PTPRN2: variants seen among roughly 807,000 people sequenced by gnomAD.
The protein encoded by PTPRN2 is protein tyrosine phosphatase receptor type N2.
A neutral mutation model predicts 118.8 loss-of-function variants in PTPRN2; 74 were observed. The observed-to-expected ratio is 0.62, with a 90% CI of 0.52 to 0.76. The LOEUF (loss-of-function observed/expected upper bound fraction) is 0.76. Ranked by LOEUF, PTPRN2 falls within the 30% of genes least tolerant of loss-of-function variation. The pLI is 0.00. For missense variants in PTPRN2, 1,481 were observed against 1,394.4 expected, an observed-to-expected ratio of 1.06 and a Z score of -0.99; for synonymous variants, 641 against 608.0, an observed-to-expected ratio of 1.05 and a Z score of -0.80.
intron 11 of PTPRN2, among the ~76,000 whole-genome samples, chr7:158,026,479 C>T (rs1426313297): frequency 6.6e-6 from 1 of 152,244 alleles, no homozygotes; most frequent in Non-Finnish European, 1.5e-5. Flanking sequence ...CTGAGTGATG[C>T]ATGCTATATG....
chr7:158,504,762 A>T (rs1822622677), intron 1 of PTPRN2, among the ~76,000 whole-genome samples: 1 of 152,250 alleles, frequency 6.6e-6, no homozygotes, highest in East Asian at 1.9e-4. Flanking sequence ...ACACATGCAC[A>T]TCATCTAGCT....
At chr7:157,853,216 T>C (rs897189799) in intron 12 of PTPRN2, among the ~76,000 whole-genome samples, 3 of 152,108 alleles carry the variant, frequency 2.0e-5, no homozygotes, top group African/African-American at 4.8e-5. Context: ...CATGTAGTCA[T>C]GAGGGGCATG....
intron 11 of PTPRN2, among the ~76,000 whole-genome samples, chr7:157,965,170 A>T (rs1801832154): frequency 6.6e-6 from 1 of 152,238 alleles, no homozygotes; most frequent in Non-Finnish European, 1.5e-5. Flanking sequence ...CTCTTTGAGT[A>T]CCCACTTTGT....
At chr7:157,847,759 TGC>T (rs1808961184) in intron 12 of PTPRN2, among the ~76,000 whole-genome samples, 4 of 139,640 alleles carry the variant, frequency 2.9e-5, no homozygotes, top group Non-Finnish European at 1.5e-5. Flanking sequence ...CACTCCATCA[TGC>T]GTGCCCGATG....
intron 14 of PTPRN2, among the ~76,000 whole-genome samples, chr7:157,643,170 C>T (rs1395849561): frequency 1.3e-5 from 2 of 152,228 alleles, no homozygotes; most frequent in African/African-American, 4.8e-5. Flanking sequence ...CAAACTCTTC[C>T]TATAGACTCA....
chr7:158,090,337 G>A (rs1466848972), intron 10 of PTPRN2, among the ~76,000 whole-genome samples: 1 of 152,202 alleles, frequency 6.6e-6, no homozygotes, highest in Non-Finnish European at 1.5e-5. Context: ...TCTCCCAATT[G>A]GGCTGGAAAT....
chr7:158,213,458 G>C (rs1827752308), intron 3 of PTPRN2, among the ~76,000 whole-genome samples: 1 of 152,108 alleles, frequency 6.6e-6, no homozygotes. Flanking sequence ...AGTGAAGAAT[G>C]ATAGGAAAAT....
chr7:158,140,843 A>G (rs944836537), intron 6 of PTPRN2, among the ~76,000 whole-genome samples: 1 of 152,218 alleles, frequency 6.6e-6, no homozygotes, highest in African/African-American at 2.4e-5. Context: ...TCTGCCCTAA[A>G]GAAGGTTCAT....
At chr7:158,380,664 G>A (rs946691591) in intron 2 of PTPRN2, among the ~76,000 whole-genome samples, 2 of 152,204 alleles carry the variant, frequency 1.3e-5, no homozygotes, top group African/African-American at 2.4e-5. Context: ...GGAGGACCGT[G>A]GCCCTCTTCT....
chr7:158,526,162 G>T lies in PTPRN2; in HGVS notation c.113-36377C>A, dbSNP rs1824768170. Among the ~76,000 whole-genome samples the T allele has an allele frequency of 6.6e-6, 1 of 152,150 alleles. No homozygotes were observed. The highest frequency in any genetic ancestry group is 6.5e-5 in the Admixed American group (1 of 15,276). ...GCCCGCTCTGGGGGGAGCCACATCA[G>T]GCAGACACACGGCTCCTGGTGTTGG... On this transcript the variant is annotated intron_variant, in intron 1 of 22. Transcript: ENST00000389418. The surrounding 1 kb of genome is among the most constrained non-coding windows in gnomAD (Gnocchi z 5.2).
In PTPRN2 at chr7:157,776,031, C is replaced by T. The variant is rs997541108; in HGVS notation, c.1789-93094G>A. On this transcript the variant is annotated intron_variant, in intron 12 of 22. Coordinates refer to ENST00000389418, the MANE Select transcript of PTPRN2 (RefSeq NM_002847.5). ...ACTCGGAGGTGGGCAAGGAGTGAGG[C>T]GGAGGGGGCGTCACCTCCTCCCTCT... Among the ~76,000 whole-genome samples, 73 of 151,778 alleles carry T rather than the reference C, an allele frequency of 4.8e-4. 1 individual carries two copies. The highest frequency in any genetic ancestry group is 3.9e-4 in the East Asian group (2 of 5,160).
chr7:157,856,671 T>G (rs1414486488), intron 12 of PTPRN2, among the ~76,000 whole-genome samples: 3 of 152,258 alleles, frequency 2.0e-5, no homozygotes, highest in African/African-American at 7.2e-5. Flanking sequence ...ACATACAAAA[T>G]TCACTTCTTG....
At chr7:158,177,324 G>A (rs1239242041) in intron 5 of PTPRN2, among the ~76,000 whole-genome samples, 1 of 152,096 alleles carries the variant, frequency 6.6e-6, no homozygotes, top group Non-Finnish European at 1.5e-5. Context: ...GAATAAGGAT[G>A]CTAAGCACCT....
chr7:158,469,447 TCAA>T (rs751250281), intron 2 of PTPRN2, among the ~76,000 whole-genome samples: 14 of 152,020 alleles, frequency 9.2e-5, no homozygotes, highest in Middle Eastern at 3.4e-3. Context: ...CTCCCCTGTC[TCAA>T]CAACAACAAC....
At chr7:158,404,110 T>C (rs572104802) in intron 2 of PTPRN2, among the ~76,000 whole-genome samples, 1 of 152,304 alleles carries the variant, frequency 6.6e-6, no homozygotes, top group South Asian at 2.1e-4. Flanking sequence ...ATAAAAGGTA[T>C]CGCCGTGACA....
intron 3 of PTPRN2, among the ~76,000 whole-genome samples, chr7:158,280,637 G>A (rs552791181): frequency 2.0e-5 from 3 of 152,364 alleles, no homozygotes; most frequent in South Asian, 2.1e-4. Context: ...TGGGGGAGCC[G>A]GACGGGTGCG....
rs571768763 is a variant in PTPRN2, at chr7:157,674,828, G to A, written c.2001+7897C>T. The stretch of plus-strand genomic sequence containing the variant: ...CCTGCCGGGCGTCTCCTCCCACGCC[G>A]AGCTCCTCCTGCCGGGGGGGTCTGC... On this transcript the variant is annotated intron_variant, in intron 13 of 22. Coordinates refer to ENST00000389418, the MANE Select transcript of PTPRN2 (RefSeq NM_002847.5). The surrounding 1 kb of genome is among the most constrained non-coding windows in gnomAD (Gnocchi z 4.5). 2.6e-4 allele frequency among the ~76,000 whole-genome samples: 39 copies of A among 152,316 alleles called. No homozygotes were observed. The South Asian group carries it at 7.0e-3, about 28-fold the overall frequency.
intron 11 of PTPRN2, among the ~76,000 whole-genome samples, chr7:157,935,223 C>A (rs554321280): frequency 6.6e-6 from 1 of 152,250 alleles, no homozygotes; most frequent in South Asian, 2.1e-4. Context: ...AATATTAATT[C>A]TTCTTTTTTT....
intron 7 of PTPRN2, among the ~76,000 whole-genome samples, chr7:158,137,683 C>T (rs1818952747): frequency 6.6e-6 from 1 of 152,192 alleles, no homozygotes; most frequent in African/African-American, 2.4e-5. Context: ...AAGGCCCCCT[C>T]TGCACCCGTG....
Sources: allele counts gnomAD v4.1 joint callset (sites outside exome capture counted in the v4.1 genomes callset), GRCh38; gene constraint gnomAD v4.1.1; non-coding constraint Gnocchi (gnomAD v3.1); transcripts MANE v1.5; gene names NCBI Gene and HGNC (gene_info 2026-07-23, HGNC 2026-07-21).